PTPRN2: variants seen among roughly 807,000 people sequenced by gnomAD.
PTPRN2 encodes receptor-type tyrosine-protein phosphatase N2.
In PTPRN2, 74 loss-of-function variants were observed where a neutral mutation model predicts 118.8. The observed-to-expected ratio is 0.62, with a 90% CI of 0.52 to 0.76. The LOEUF is 0.76. Ranked by LOEUF, PTPRN2 falls within the 30% of genes least tolerant of loss-of-function variation. PTPRN2 has a pLI of 0.00. For synonymous variants in PTPRN2, 641 were observed against 608.0 expected (o/e 1.05, Z -0.80); for missense variants, 1,481 against 1,394.4 (o/e 1.06, Z -0.99).
intron 3 of PTPRN2, among the ~76,000 whole-genome samples, chr7:158,283,479 G>T (rs1799567673): frequency 6.6e-6 from 1 of 152,174 alleles, no homozygotes. Context: ...CCAGGGGCTT[G>T]CCGCAGGGAC....
At chr7:158,031,933 C>CCTCTGAAGT (rs1468779641) in intron 11 of PTPRN2, among the ~76,000 whole-genome samples, 2 of 152,242 alleles carry the variant, frequency 1.3e-5, no homozygotes, top group African/African-American at 4.8e-5. Context: ...GGCCCGCGAG[C>CCTCTGAAGT]CTCTGAAGTC....
intron 2 of PTPRN2, among the ~76,000 whole-genome samples, chr7:158,348,839 C>T (rs1807730542): frequency 6.6e-6 from 1 of 152,100 alleles, no homozygotes; most frequent in Non-Finnish European, 1.5e-5. Context: ...TACCCTCCCT[C>T]AGGAGGAGGC....
intron 11 of PTPRN2, among the ~76,000 whole-genome samples, chr7:157,923,662 CAG>C (rs893022612): frequency 1.3e-5 from 2 of 152,128 alleles, no homozygotes; most frequent in African/African-American, 4.8e-5. Flanking sequence ...CCCAGAAACT[CAG>C]AGAGGCTGTC....
intron 6 of PTPRN2, among the ~76,000 whole-genome samples, chr7:158,161,038 A>G (rs1236073249): frequency 1.3e-5 from 2 of 152,002 alleles, no homozygotes; most frequent in African/African-American, 4.8e-5. Flanking sequence ...GACCTTAGGG[A>G]TTTTGATATT....
Position 158,587,757 on chromosome 7 carries a change from C to T in PTPRN2, c.-88G>A. 9.5e-7 allele frequency: 1 copy of T among 1,055,852 alleles called. No homozygotes were observed. Among genetic ancestry groups the T allele is most frequent in the Non-Finnish European group, 1.1e-6 (1 of 877,506 alleles). The allele number at this position is 1,055,852 out of a possible 1,614,324, so 65.4% of individuals were successfully genotyped here. ...AGTCCGGGCCCAGGGAGGCGCGCGC[C>T]GCCGGCTCCTCCCGCCGCGCCTCTC... On this transcript the variant is annotated 5_prime_UTR_variant, in exon 1 of 23. Transcript: ENST00000389418.
intron 10 of PTPRN2, among the ~76,000 whole-genome samples, chr7:158,094,438 T>A (rs1436039117): frequency 6.6e-6 from 1 of 152,076 alleles, no homozygotes; most frequent in African/African-American, 2.4e-5. Context: ...GCCTCCCCAG[T>A]AGCTGGGATT....
At chr7:157,818,845 C>A (rs1172207410) in intron 12 of PTPRN2, among the ~76,000 whole-genome samples, 1 of 152,096 alleles carries the variant, frequency 6.6e-6, no homozygotes, top group Non-Finnish European at 1.5e-5. Context: ...GGCACTCCAG[C>A]CACAAACAGG....
chr7:158,506,941 C>A (rs527531202), intron 1 of PTPRN2, among the ~76,000 whole-genome samples: 1 of 152,198 alleles, frequency 6.6e-6, no homozygotes, highest in Admixed American at 6.5e-5. Context: ...TGAAGGACAC[C>A]GCTCTGGTTC....
chr7:158,258,514 C>T (rs1165456497), intron 3 of PTPRN2, among the ~76,000 whole-genome samples: 6 of 152,186 alleles, frequency 3.9e-5, no homozygotes, highest in Non-Finnish European at 5.9e-5. Context: ...CCTGGGTGGC[C>T]GCCCTGCTGA....
Position 157,674,695 on chromosome 7 carries a change from G to C in PTPRN2, c.2001+8030C>G, listed in dbSNP as rs750361425. On this transcript the variant is annotated intron_variant, in intron 13 of 22. Transcript: ENST00000389418. The surrounding 1 kb of genome is among the most constrained non-coding windows in gnomAD (Gnocchi z 4.5). ...GAAGAAGGTCTGCTTTACAGCAACG[G>C]CCTGAGGACCCTCGGCCCCAAGGTG... Among the ~76,000 whole-genome samples the C allele has an allele frequency of 6.6e-6, 1 of 152,234 alleles. No individual in the cohort carries two copies. Among genetic ancestry groups the C allele is most frequent in the Non-Finnish European group, 1.5e-5 (1 of 68,036 alleles).
At chr7:158,150,327 C>A (rs1263679761) in intron 6 of PTPRN2, among the ~76,000 whole-genome samples, 3 of 152,242 alleles carry the variant, frequency 2.0e-5, no homozygotes, top group Admixed American at 2.0e-4. Flanking sequence ...AGCTGACAAG[C>A]ATGTTCCATT....
rs368812683 is a variant in PTPRN2 at position 158,502,568 on chromosome 7, C to T, written c.113-12783G>A. On this transcript the variant is annotated intron_variant, in intron 1 of 22. Transcript: ENST00000389418. Reference sequence around the variant, plus strand: ...ACGCCTTCCTCCCGGCTGCACTTGCCGAGTCCCCTGGAGCACGGAAAAGGC... The same window carrying T: ...ACGCCTTCCTCCCGGCTGCACTTGCTGAGTCCCCTGGAGCACGGAAAAGGC... Among the ~76,000 whole-genome samples the T allele has an allele frequency of 4.6e-5, 7 of 152,320 alleles. No individual in the cohort carries two copies. In the East Asian group the frequency reaches 1.2e-3, roughly 25 times the overall value.
chr7:158,354,555 G>T (rs553222084), intron 2 of PTPRN2, among the ~76,000 whole-genome samples: 6 of 152,308 alleles, frequency 3.9e-5, no homozygotes, highest in Admixed American at 3.9e-4. Context: ...TTAGCGAAAT[G>T]AGGAAATTCA....
intron 11 of PTPRN2, among the ~76,000 whole-genome samples, chr7:158,049,403 C>T (rs112070194): frequency 3.9e-5 from 6 of 152,348 alleles, no homozygotes; most frequent in African/African-American, 1.2e-4. Flanking sequence ...ATGCTCTGCC[C>T]TGTCTTCCTT....
At chr7:157,621,312 G>A (rs1304334707) in intron 15 of PTPRN2, 50 bp downstream of exon 15, 1 of 1,583,290 alleles carries the variant, frequency 6.3e-7, no homozygotes, top group Admixed American at 1.7e-5. Flanking sequence ...AGCACGGCCA[G>A]TTTCCACCGC....
intron 1 of PTPRN2, among the ~76,000 whole-genome samples, chr7:158,553,459 C>T (rs1185806315): frequency 1.3e-5 from 2 of 151,946 alleles, no homozygotes; most frequent in South Asian, 2.1e-4. Context: ...CACACACACA[C>T]AGGCTTGGGA....
At position 158,071,829 on chromosome 7, in the gene PTPRN2, C is replaced by T. The variant is rs368582127; in HGVS notation, c.1723+9469G>A. Among the ~76,000 whole-genome samples, 60 of 43,346 alleles carry T rather than the reference C, an allele frequency of 1.4e-3. 1 individual carries two copies. The highest frequency in any genetic ancestry group is 0.024 in the Middle Eastern group (1 of 42). The allele number at this position is 43,346 out of a possible 152,430, so 28.4% of individuals were successfully genotyped here. ...GGAGGTGCTCGTCGTATGGAGGTGCCCGTGGTGGAGGTGCTCGTGGTGGTG... is the reference window on the plus strand; with the variant it reads ...GGAGGTGCTCGTCGTATGGAGGTGCTCGTGGTGGAGGTGCTCGTGGTGGTG... On this transcript the variant is annotated intron_variant, in intron 11 of 22. Transcript: ENST00000389418.
At chr7:157,709,571 C>G (rs1220995329) in intron 12 of PTPRN2, among the ~76,000 whole-genome samples, 3 of 152,208 alleles carry the variant, frequency 2.0e-5, no homozygotes, top group African/African-American at 7.2e-5. Context: ...TGCGAGCCCC[C>G]CAGCTCTGTC....
intron 11 of PTPRN2, among the ~76,000 whole-genome samples, chr7:157,900,624 C>T (rs1251379743): frequency 6.6e-6 from 1 of 152,204 alleles, no homozygotes; most frequent in African/African-American, 2.4e-5. Flanking sequence ...CAGGCATTCT[C>T]CGTCCCCTGC....
Sources: allele counts gnomAD v4.1 joint callset (sites outside exome capture counted in the v4.1 genomes callset), GRCh38; gene constraint gnomAD v4.1.1; non-coding constraint Gnocchi (gnomAD v3.1); transcripts MANE v1.5; gene names NCBI Gene and HGNC (gene_info 2026-07-23, HGNC 2026-07-21).